The following SDK1 variants were observed in gnomAD, a reference collection of about 807,000 sequenced individuals.
The protein encoded by SDK1 is protein sidekick-1.
SDK1 carries 157 observed loss-of-function variants against 245.5 expected under a neutral mutation model. The observed-to-expected ratio is 0.64, with a 90% confidence interval of 0.56 to 0.73. The LOEUF is 0.73. Ranked by LOEUF, SDK1 falls within the 30% of genes least tolerant of loss-of-function variation. The pLI is 0.00. For synonymous variants in SDK1, 1,647 were observed against 1,278.5 expected, an observed-to-expected ratio of 1.29 and a Z score of -6.15; for missense variants, 3,583 against 3,002.3, an observed-to-expected ratio of 1.19 and a Z score of -4.52.
chr7:3,433,615 T>A (rs550543975), intron 1 of SDK1, among the ~76,000 whole-genome samples: 1 of 152,202 alleles, frequency 6.6e-6, no homozygotes, highest in Non-Finnish European at 1.5e-5. Flanking sequence ...CATTAAAGAC[T>A]GGCTGGCCAA....
In SDK1 at chr7:3,401,632, C is replaced by G. The variant is rs373028458; in HGVS notation, c.298+99748C>G. ...ACTGGATGGGAAGACCCAAGTTTGA[C>G]TTCCAGATTTACTTCTTACTTGCAC... is the stretch of plus-strand genomic sequence containing the variant. On this transcript the variant is annotated intron_variant, in intron 1 of 44. Coordinates refer to ENST00000404826, the MANE Select transcript of SDK1 (RefSeq NM_152744.4). Among the ~76,000 whole-genome samples, 4 of 152,244 alleles carry G rather than the reference C, an allele frequency of 2.6e-5. 1 individual carries two copies. In the East Asian group the frequency reaches 5.8e-4, roughly 22 times the overall value.
chr7:3,935,550 T>C (rs1434461252), intron 5 of SDK1, among the ~76,000 whole-genome samples: 1 of 152,038 alleles, frequency 6.6e-6, no homozygotes, highest in Non-Finnish European at 1.5e-5. Context: ...ATAAGCTGAT[T>C]TAAAAATGGG....
intron 4 of SDK1, among the ~76,000 whole-genome samples, chr7:3,759,502 A>G (rs1018300736): frequency 1.3e-5 from 2 of 152,120 alleles, no homozygotes; most frequent in Admixed American, 1.3e-4. Flanking sequence ...GCAGTTACCC[A>G]TAATCTGTCC....
At chr7:3,468,526 C>T (rs1026661284) in intron 1 of SDK1, among the ~76,000 whole-genome samples, 3 of 152,166 alleles carry the variant, frequency 2.0e-5, no homozygotes, top group African/African-American at 7.2e-5. Flanking sequence ...CTAACTTTTC[C>T]TCTGCCTCTC....
At chr7:3,370,088 A>C (rs1781185253) in intron 1 of SDK1, among the ~76,000 whole-genome samples, 3 of 152,256 alleles carry the variant, frequency 2.0e-5, no homozygotes, top group Admixed American at 2.0e-4. Context: ...ACATCGGCCT[A>C]AGTTAAAGTT....
At position 3,962,671 on chromosome 7, in the gene SDK1, A is replaced by G; in HGVS notation, c.1249A>G (p.Thr417Ala). 6.2e-7 allele frequency: 1 copy of G among 1,608,842 alleles called. No homozygotes were observed. The highest frequency in any genetic ancestry group is 1.3e-5 in the African/African-American group (1 of 74,742). The part of the protein sequence containing the change: ...GCQAMGVPLP[T>A]LQWYKDAISI... The stretch of plus-strand genomic sequence containing the variant: ...TTCCTACGCAGGGGTCCCCCTTCCC[A>G]CCCTCCAGTGGTACAAGGATGCCAT... The change falls in exon 9 of 45, where the codon ACC becomes GCC. Residue 417 changes from threonine (T) to alanine (A), a missense_variant. Coordinates refer to ENST00000404826, the MANE Select transcript of SDK1 (RefSeq NM_152744.4).
At chr7:3,378,330 A>G (rs1422046836) in intron 1 of SDK1, among the ~76,000 whole-genome samples, 1 of 152,194 alleles carries the variant, frequency 6.6e-6, no homozygotes, top group Admixed American at 6.5e-5. Context: ...AATTCTACTT[A>G]AAAACAAAAG....
At chr7:3,548,634 T>G (rs527437864) in intron 1 of SDK1, among the ~76,000 whole-genome samples, 5 of 152,230 alleles carry the variant, frequency 3.3e-5, no homozygotes, top group Non-Finnish European at 7.3e-5. Context: ...CCCAGGCTTT[T>G]GAAATAAACT....
chr7:3,646,152 C>G (rs894937657), intron 4 of SDK1, among the ~76,000 whole-genome samples: 6 of 152,126 alleles, frequency 3.9e-5, no homozygotes, highest in Non-Finnish European at 7.4e-5. Flanking sequence ...CCACCACACC[C>G]AGCCTTTCTG....
chr7:3,662,041 A>ATTTT (rs572659449), intron 4 of SDK1, among the ~76,000 whole-genome samples: 1 of 125,774 alleles, frequency 8.0e-6, no homozygotes, highest in African/African-American at 3.2e-5. Flanking sequence ...CAACGGTTGT[A>ATTTT]TTTTTTTTTT....
At chr7:3,460,493 A>C (rs1780800463) in intron 1 of SDK1, among the ~76,000 whole-genome samples, 1 of 152,222 alleles carries the variant, frequency 6.6e-6, no homozygotes. Flanking sequence ...AAAGGAATTT[A>C]GAAATGTACT....
chr7:3,499,229 T>G (rs1005742269), intron 1 of SDK1, among the ~76,000 whole-genome samples: 20 of 152,206 alleles, frequency 1.3e-4, no homozygotes, highest in African/African-American at 4.8e-4. Context: ...CGGATTCATT[T>G]TTTGTATTGA....
Position 3,868,828 on chromosome 7 carries a change from C to T in SDK1, c.847+47245C>T, listed in dbSNP as rs1208112632. Among the ~76,000 whole-genome samples, 8 of 152,194 alleles carry T rather than the reference C, an allele frequency of 5.3e-5. 1 individual carries two copies. The highest frequency in any genetic ancestry group is 5.2e-4 in the Admixed American group (8 of 15,270). On this transcript the variant is annotated intron_variant, in intron 5 of 44. Transcript: ENST00000404826. Reference sequence around the variant, plus strand: ...TGTTTATAAAAAGGGGTTTCATTGGCATCATTTCAGCCTTCAGAGTGAGAA... The same window carrying T: ...TGTTTATAAAAAGGGGTTTCATTGGTATCATTTCAGCCTTCAGAGTGAGAA...
chr7:3,742,611 T>C (rs1779507833), intron 4 of SDK1, among the ~76,000 whole-genome samples: 1 of 152,196 alleles, frequency 6.6e-6, no homozygotes, highest in South Asian at 2.1e-4. Context: ...ATTTTTGTCT[T>C]TTTTCCAAAT....
At chr7:3,920,607 C>G (rs1340833250) in intron 5 of SDK1, among the ~76,000 whole-genome samples, 1 of 152,122 alleles carries the variant, frequency 6.6e-6, no homozygotes, top group Admixed American at 6.5e-5. Flanking sequence ...TCGTTGCATT[C>G]TAGCTGCCAA....
At chr7:3,591,727 C>T (rs1221398493) in intron 1 of SDK1, among the ~76,000 whole-genome samples, 2 of 152,166 alleles carry the variant, frequency 1.3e-5, no homozygotes, top group African/African-American at 4.8e-5. Flanking sequence ...TCGTGTGGGG[C>T]ATGTGTGTAT....
intron 1 of SDK1, among the ~76,000 whole-genome samples, chr7:3,515,553 C>A (rs957289759): frequency 6.6e-6 from 1 of 152,096 alleles, no homozygotes; most frequent in Non-Finnish European, 1.5e-5. Context: ...GTGATCAAAT[C>A]AAGTGTTCTC....
Position 3,583,337 on chromosome 7 carries a change from C to A in SDK1, c.299-35743C>A, listed in dbSNP as rs1047531458. Among the ~76,000 whole-genome samples the A allele has an allele frequency of 7.2e-5, 11 of 152,172 alleles. 1 individual carries two copies. Among genetic ancestry groups the A allele is most frequent in the African/African-American group, 2.7e-4 (11 of 41,444 alleles). On this transcript the variant is annotated intron_variant, in intron 1 of 44. Transcript: ENST00000404826. The stretch of plus-strand genomic sequence containing the variant: ...CATTATGTTACCATTTAGAAACTTT[C>A]CTCTTCCGGTGCCAAATTGCTCTTA...
At chr7:3,862,897 C>T (rs964952440) in intron 5 of SDK1, among the ~76,000 whole-genome samples, 1 of 152,134 alleles carries the variant, frequency 6.6e-6, no homozygotes, top group Non-Finnish European at 1.5e-5. Context: ...CATATGGATC[C>T]CTGGCATGCA....
Sources: allele counts gnomAD v4.1 joint callset (sites outside exome capture counted in the v4.1 genomes callset), GRCh38; gene constraint gnomAD v4.1.1; transcripts MANE v1.5; gene names NCBI Gene and HGNC (gene_info 2026-07-23, HGNC 2026-07-21).